USP30: variants seen among roughly 807,000 people sequenced by gnomAD.
USP30 encodes the protein ubiquitin specific peptidase 30, also known as ubiquitin carboxyl-terminal hydrolase 30.
In USP30, 41 loss-of-function variants were observed where a neutral mutation model predicts 68.2. The ratio of observed to expected loss-of-function variants is 0.60; its 90% CI spans 0.47 to 0.78. USP30 has a LOEUF of 0.78. Ranked by LOEUF, USP30 falls within the 30% of genes least tolerant of loss-of-function variation. USP30 has a pLI of 0.00. For synonymous variants in USP30, 229 were observed against 253.7 expected (o/e 0.90, Z 0.93); for missense variants, 522 against 649.4 (o/e 0.80, Z 2.13).
At chr12:109,062,840 A>G (rs1157947484) in intron 3 of USP30, among the ~76,000 whole-genome samples, 1 of 152,076 alleles carries the variant, frequency 6.6e-6, no homozygotes, top group Non-Finnish European at 1.5e-5. Context: ...CCGTACTGAA[A>G]CTGTACCCAT....
In USP30 at chr12:109,083,046, G is replaced by A. The variant is rs779444244; in HGVS notation, c.1152G>A (p.Pro384=). The change falls in exon 11 of 13, where the codon CCG becomes CCA. Residue 384 remains proline, a synonymous_variant. Transcript: ENST00000257548. ...PGPTLELQDG[P]GAPTPVLNQP... is the part of the protein sequence containing the mutation. ...CTACACTGGAGCTGCAGGATGGGCC[G>A]GGAGCCCCCACACCAGGTGTGTGCG... is the stretch of plus-strand genomic sequence containing the variant. 11 of 1,610,316 alleles carry A rather than the reference G, an allele frequency of 6.8e-6. No individual in the cohort carries two copies. The highest frequency in any genetic ancestry group is 3.3e-5 in the South Asian group (3 of 90,666).
upstream of USP30, among the ~76,000 whole-genome samples, chr12:109,049,698 C>T (rs1245209100): frequency 5.9e-5 from 9 of 152,118 alleles, no homozygotes; most frequent in African/African-American, 2.2e-4. Flanking sequence ...GCCTGTAATT[C>T]CAGCTATTTG....
chr12:109,047,407 G>A (rs2040615352), intron 3 of USP30, among the ~76,000 whole-genome samples: 1 of 152,138 alleles, frequency 6.6e-6, no homozygotes, highest in South Asian at 2.1e-4. Context: ...GCTGTGTGAG[G>A]TGGAATTTAA....
At chr12:109,064,550 G>C (rs1199654283) in intron 3 of USP30, among the ~76,000 whole-genome samples, 4 of 152,182 alleles carry the variant, frequency 2.6e-5, no homozygotes, top group African/African-American at 9.6e-5. Flanking sequence ...AGAGTGCTGG[G>C]ATTACAGGCG....
At chr12:109,039,668 T>C (rs539762659) in intron 3 of USP30, among the ~76,000 whole-genome samples, 8 of 152,248 alleles carry the variant, frequency 5.3e-5, no homozygotes, top group Non-Finnish European at 8.8e-5. Context: ...TGTAGTTCAG[T>C]GGCACGATCT....
chr12:109,083,883 A>T (rs1183235105), intron 11 of USP30, among the ~76,000 whole-genome samples: 1 of 151,884 alleles, frequency 6.6e-6, no homozygotes, highest in Non-Finnish European at 1.5e-5. Flanking sequence ...TGTCAGGGAG[A>T]TTGTGTTTTC....
chr12:109,053,939 A>C, intron 1 of USP30: 2 of 454,156 alleles, frequency 4.4e-6, no homozygotes, highest in South Asian at 3.1e-5. Context: ...ATTCAGAGCC[A>C]TGTTCCTTCA....
chr12:109,050,943 T>G (rs2040659595), upstream of USP30, among the ~76,000 whole-genome samples: 1 of 152,002 alleles, frequency 6.6e-6, no homozygotes, highest in South Asian at 2.1e-4. Flanking sequence ...AGAGGCGAGA[T>G]CGTGCCATTG....
At chr12:109,076,905 G>A (rs2135798929) in intron 7 of USP30, among the ~76,000 whole-genome samples, 1 of 151,644 alleles carries the variant, frequency 6.6e-6, no homozygotes, top group South Asian at 2.1e-4. Context: ...CTAATTTTTT[G>A]TATTTTTTAG....
intron 3 of USP30, among the ~76,000 whole-genome samples, chr12:109,066,578 G>A (rs896029507): frequency 2.6e-5 from 4 of 152,116 alleles, no homozygotes; most frequent in African/African-American, 9.7e-5. Context: ...CCAGCTACTC[G>A]GGAGGCTGAG....
intron 7 of USP30, among the ~76,000 whole-genome samples, chr12:109,076,578 T>C (rs1593284658): frequency 6.6e-6 from 1 of 152,146 alleles, no homozygotes; most frequent in African/African-American, 2.4e-5. Flanking sequence ...TATACCTCTT[T>C]ATCATACTGA....
intron 7 of USP30, among the ~76,000 whole-genome samples, chr12:109,080,052 A>C (rs1428514658): frequency 1.3e-5 from 2 of 152,084 alleles, no homozygotes; most frequent in Non-Finnish European, 2.9e-5. Flanking sequence ...GGGCAGCAAA[A>C]TCTCTGCTCA....
intron 1 of USP30, among the ~76,000 whole-genome samples, chr12:109,024,214 T>C (rs1359093669): frequency 8.5e-5 from 13 of 152,176 alleles, no homozygotes; most frequent in Admixed American, 8.5e-4. Context: ...CACACTTGGA[T>C]GGCACATAAT....
chr12:109,054,853 A>G (rs2040792238), intron 1 of USP30: 2 of 152,236 alleles, frequency 1.3e-5, no homozygotes, highest in African/African-American at 2.4e-5. Flanking sequence ...TTGGAAAACA[A>G]ATATTTATCT....
rs1481703360 is a variant in USP30, at chr12:109,086,608, T to A, written c.*677T>A. 1 of 152,352 alleles carries A rather than the reference T, an allele frequency of 6.6e-6. No homozygotes were observed. Among genetic ancestry groups the A allele is most frequent in the Non-Finnish European group, 1.5e-5 (1 of 68,128 alleles). 9.4% of individuals were successfully genotyped at this position (152,352 alleles called of 1,614,324 possible). A position where few individuals can be genotyped will look rare whatever the true frequency, so the allele number is the denominator to read the frequency against. ...CTTTGTCAGTTATAAGTGAAGAGCT[T>A]ACTTGTTGCTTTTATCTTTTGTATA... On this transcript the variant is annotated 3_prime_UTR_variant, in exon 13 of 13. Transcript: ENST00000257548.
At chr12:109,058,194 C>T (rs1593246752) in intron 3 of USP30, 86 bp downstream of exon 3, 1 of 1,341,960 alleles carries the variant, frequency 7.5e-7, no homozygotes, top group East Asian at 2.3e-5. Context: ...GAGTTAATAC[C>T]TTATTGTAGG....
At chr12:109,047,062 G>A (rs1336308447) in intron 3 of USP30, among the ~76,000 whole-genome samples, 5 of 152,122 alleles carry the variant, frequency 3.3e-5, no homozygotes, top group Admixed American at 6.6e-5. Flanking sequence ...GGGTGACCAC[G>A]TATTTGGAGA....
chr12:109,083,872 A>T (rs1414242211), intron 11 of USP30, among the ~76,000 whole-genome samples: 1 of 152,048 alleles, frequency 6.6e-6, no homozygotes, highest in Non-Finnish European at 1.5e-5. Context: ...ACACCTCATC[A>T]TGTCAGGGAG....
chr12:109,050,922 G>A (rs1331950818), upstream of USP30, among the ~76,000 whole-genome samples: 4 of 152,058 alleles, frequency 2.6e-5, no homozygotes, highest in Non-Finnish European at 5.9e-5. Context: ...CAGGATAATC[G>A]CTTGAACCTG....
Sources: allele counts gnomAD v4.1 joint callset (sites outside exome capture counted in the v4.1 genomes callset), GRCh38; gene constraint gnomAD v4.1.1; transcripts MANE v1.5; gene names NCBI Gene and HGNC (gene_info 2026-07-23, HGNC 2026-07-21).